TIPIN: variants seen among roughly 807,000 people sequenced by gnomAD.
TIPIN encodes the protein TIMELESS interacting protein, also known as TIMELESS-interacting protein.
Under a neutral mutation model 35.6 loss-of-function variants are expected in TIPIN, and 29 were observed. The observed-to-expected ratio is 0.82, with a 90% CI of 0.61 to 1.11. The LOEUF (loss-of-function observed/expected upper bound fraction) is 1.11. Ranked by LOEUF, TIPIN falls within the 50% of genes most tolerant of loss-of-function variation. TIPIN has a pLI of 0.00. For missense variants in TIPIN, 296 were observed against 345.4 expected (o/e 0.86, Z 1.13); for synonymous variants, 102 against 121.5 (o/e 0.84, Z 1.06).
upstream of TIPIN, among the ~76,000 whole-genome samples, chr15:66,361,085 A>T (rs976586535): frequency 3.3e-5 from 5 of 151,340 alleles, no homozygotes; most frequent in Non-Finnish European, 7.4e-5. Context: ...GTGAGCAAAG[A>T]TTGTGCCACT....
chr15:66,352,108 A>G, intron 3 of TIPIN, 21 bp downstream of exon 3: 2 of 1,539,770 alleles, frequency 1.3e-6, no homozygotes, highest in Admixed American at 1.9e-5. Flanking sequence ...GTATAAATGT[A>G]TAAGAATATA....
intron 1 of TIPIN, among the ~76,000 whole-genome samples, chr15:66,354,760 T>G (rs2093192047): frequency 6.6e-6 from 1 of 152,196 alleles, no homozygotes; most frequent in African/African-American, 2.4e-5. Flanking sequence ...AGCTATTCCT[T>G]GACTCCTAAT....
chr15:66,375,312 A>G (rs1458452326), intron 1 of TIPIN, among the ~76,000 whole-genome samples: 1 of 151,346 alleles, frequency 6.6e-6, no homozygotes, highest in East Asian at 2.0e-4. Context: ...TTCATTGCAA[A>G]TGTCTTCTTT....
In TIPIN at chr15:66,385,193, T is replaced by C. The variant is rs571775308; in HGVS notation, c.-9+1414A>G. On this transcript the variant is annotated intron_variant, in intron 1 of 7. Transcript: ENST00000562124. ...CTCTTGGGCCCTACGGCTAAGACTT[T>C]GTGTAGGACTGCCTCCCAGGTGTTC... Among the ~76,000 whole-genome samples, 11 of 152,336 alleles carry C rather than the reference T, an allele frequency of 7.2e-5. No individual in the cohort carries two copies. The South Asian group carries it at 2.1e-3, about 29-fold the overall frequency.
At chr15:66,364,787 T>G (rs1427810178) in intron 1 of TIPIN, among the ~76,000 whole-genome samples, 1 of 151,332 alleles carries the variant, frequency 6.6e-6, no homozygotes, top group Non-Finnish European at 1.5e-5. Flanking sequence ...ACTAACATGG[T>G]GAAACCTCGT....
intron 1 of TIPIN, among the ~76,000 whole-genome samples, chr15:66,384,201 G>A (rs1394551162): frequency 6.6e-6 from 1 of 151,842 alleles, no homozygotes; most frequent in Non-Finnish European, 1.5e-5. Context: ...GTTTCACCGT[G>A]TTAGCCAGGA....
At position 66,351,590 on chromosome 15, in the gene TIPIN, C is replaced by T. The variant is rs1409175009; in HGVS notation, c.223G>A (p.Glu75Lys). The T allele has an allele frequency of 6.2e-7, 1 of 1,609,472 alleles. No homozygotes were observed. The highest frequency in any genetic ancestry group is 1.1e-5 in the South Asian group (1 of 90,546). ...PKLDAQRLIS[E>K]RGLPALRHVF... is the part of the protein sequence containing the mutation. Reference sequence around the variant, plus strand: ...TGCCTTAAGGCTGGAAGTCCTCTCTCTGAAATTAATCTGTGAATAAAAGTA... The same window carrying T: ...TGCCTTAAGGCTGGAAGTCCTCTCTTTGAAATTAATCTGTGAATAAAAGTA... Residue 75 changes from glutamate (E) to lysine (K), a missense_variant, in exon 4 of 8, where the codon GAG (glutamate) becomes AAG (lysine). Glu to Lys is a moderately conservative substitution (Grantham distance 56). Transcript: ENST00000261881.
intron 7 of TIPIN, 147 bp from the exon 8 acceptor site, chr15:66,337,328 CTTTTT>C: frequency 2.5e-6 from 1 of 404,292 alleles, no homozygotes; most frequent in Non-Finnish European, 4.2e-6. Flanking sequence ...CTAAATATAT[CTTTTT>C]TTTTTTTTTT....
chr15:66,352,907 T>C lies in TIPIN; in HGVS notation c.41A>G (p.Asp14Gly). 6.2e-7 allele frequency: 1 copy of C among 1,614,124 alleles called. No homozygotes were observed. The highest frequency in any genetic ancestry group is 8.5e-7 in the Non-Finnish European group (1 of 1,180,002). Residue 14 changes from aspartate to glycine, a missense_variant, in exon 2 of 8, where the codon GAT (aspartate) becomes GGT (glycine). Asp to Gly is a moderately conservative substitution (Grantham distance 94). Transcript: ENST00000261881. ...PQENGVIDLPDYEHVEDETFP... is the reference protein window; with the variant it reads ...PQENGVIDLPGYEHVEDETFP... Reference sequence around the variant, plus strand: ...AGTTTCATCTTCTACATGCTCATAATCTGGTAGGTCAATCACGCCATTCTC... The same window carrying C: ...AGTTTCATCTTCTACATGCTCATAACCTGGTAGGTCAATCACGCCATTCTC...
At chr15:66,358,749 A>T (rs1046891831), upstream of TIPIN, among the ~76,000 whole-genome samples, 1 of 152,092 alleles carries the variant, frequency 6.6e-6, no homozygotes. Flanking sequence ...TTTATTAAAA[A>T]TTTAAAAAGT....
At position 66,337,162 on chromosome 15, in the gene TIPIN, G is replaced by A. The variant is rs1311083962; in HGVS notation, c.702C>T (p.Pro234=). 6.2e-7 allele frequency: 1 copy of A among 1,613,446 alleles called. No homozygotes were observed. The highest frequency in any genetic ancestry group is 1.1e-5 in the South Asian group (1 of 91,050). The change falls in exon 8 of 8, where the codon CCC becomes CCT. Residue 234 remains proline, a synonymous_variant. Transcript: ENST00000261881. ...TLGNDMLMNT[P]RAHTVEEVNT... ...TAACCTCTTCAACCGTGTGTGCCCT[G>A]GGTGTATTCATTAACATATCTGAAA...
intron 6 of TIPIN, chr15:66,347,181 G>C (rs746109760): frequency 6.1e-6 from 3 of 494,850 alleles, no homozygotes; most frequent in African/African-American, 2.0e-5. Context: ...TTCCACATCT[G>C]TTAAAAGTTA....
At chr15:66,385,029 T>A (rs563988266) in intron 1 of TIPIN, among the ~76,000 whole-genome samples, 1 of 152,336 alleles carries the variant, frequency 6.6e-6, no homozygotes, top group African/African-American at 2.4e-5. Context: ...CTTCCCATAC[T>A]TCTAACGTCA....
At chr15:66,354,956 C>T (rs1009375287) in intron 1 of TIPIN, among the ~76,000 whole-genome samples, 1 of 151,362 alleles carries the variant, frequency 6.6e-6, no homozygotes. Context: ...AAAAGGGCAA[C>T]GAGGTTAAGT....
At chr15:66,338,947 A>G (rs1378656550) in intron 7 of TIPIN, among the ~76,000 whole-genome samples, 1 of 151,528 alleles carries the variant, frequency 6.6e-6, no homozygotes, top group Non-Finnish European at 1.5e-5. Flanking sequence ...CCTGGCCAAC[A>G]CAGTGAAATC....
rs568635109 is a variant in TIPIN, at chr15:66,352,723, C to T, written c.133+92G>A. On this transcript the variant is annotated intron_variant, in intron 2 of 7. Transcript: ENST00000261881. Reference sequence around the variant, plus strand: ...GTCTCAAATTCCTGACCTTGTGATCCGCCCGCCTCAGCATCCCAAAGTGCT... The same window carrying T: ...GTCTCAAATTCCTGACCTTGTGATCTGCCCGCCTCAGCATCCCAAAGTGCT... 1,331 of 1,360,728 alleles carry T rather than the reference C, an allele frequency of 9.8e-4. 4 individuals carry two copies. The highest frequency in any genetic ancestry group is 1.7e-3 in the Middle Eastern group (6 of 3,574). 84.3% of individuals were successfully genotyped at this position (1,360,728 alleles called of 1,614,324 possible). A position where few individuals can be genotyped will look rare whatever the true frequency, so the allele number is the denominator to read the frequency against.
In TIPIN at chr15:66,379,798, G is replaced by A; in HGVS notation, c.-9+6809C>T. 1.9e-6 allele frequency: 3 copies of A among 1,600,522 alleles called. No individual in the cohort carries two copies. The South Asian group carries it at 3.3e-5, about 18-fold the overall frequency. On this transcript the variant is annotated intron_variant, in intron 1 of 7. Transcript: ENST00000562124. ...AGAAGACTGAGTTCTACATTGATGTGATTGAAGTCCCTCCGCAGGGTTCCT... is the reference window on the plus strand; with the variant it reads ...AGAAGACTGAGTTCTACATTGATGTAATTGAAGTCCCTCCGCAGGGTTCCT...
At chr15:66,350,854 A>G (rs1216014737) in intron 4 of TIPIN, among the ~76,000 whole-genome samples, 3 of 150,332 alleles carry the variant, frequency 2.0e-5, no homozygotes, top group Non-Finnish European at 4.4e-5. Context: ...AGAATGGCGT[A>G]AACCTGGGAG....
At chr15:66,379,979 T>C in intron 1 of TIPIN, 4 of 684,786 alleles carry the variant, frequency 5.8e-6, no homozygotes, top group Non-Finnish European at 7.1e-6. Flanking sequence ...GGATACACCT[T>C]CATTTCTTTT....
Sources: gnomAD v4.1 joint callset for allele counts (sites outside exome capture counted in the v4.1 genomes callset) on GRCh38, gnomAD v4.1.1 for gene constraint, MANE v1.5 for transcripts, NCBI Gene and HGNC (gene_info 2026-07-23, HGNC 2026-07-21) for gene names.